Variants in NEK1 observed in about 807,000 individuals in gnomAD.
NEK1 encodes the protein serine/threonine-protein kinase Nek1.
A neutral mutation model predicts 182.1 loss-of-function variants in NEK1; 137 were observed. The observed-to-expected ratio is 0.75, with a 90% CI of 0.65 to 0.87. The LOEUF (loss-of-function observed/expected upper bound fraction) is 0.87. Ranked by LOEUF, NEK1 falls within the 40% of genes least tolerant of loss-of-function variation. The pLI, the probability that NEK1 is intolerant of heterozygous loss-of-function variation, is 0.00. For synonymous variants in NEK1, 513 were observed against 492.2 expected (o/e 1.04, Z -0.56); for missense variants, 1,391 against 1,494.4 (o/e 0.93, Z 1.14).
intron 4 of NEK1, among the ~76,000 whole-genome samples, chr4:169,600,605 A>G (rs1443072136): frequency 6.6e-6 from 1 of 152,184 alleles, no homozygotes; most frequent in East Asian, 1.9e-4. Context: ...ATAAGAATCT[A>G]TATGATAAAG....
chr4:169,508,301 G>A lies in NEK1; in HGVS notation c.1780C>T (p.Leu594=). The change falls in exon 21 of 36, where the codon CTA becomes TTA. Residue 594 remains leucine, a synonymous_variant. Transcript: ENST00000507142. The part of the protein sequence containing the change: ...VYLARLRQIR[L]QNFNERQQIK... ...TGTTGGCGCTCATTGAAATTCTGTA[G>A]TCTTATTTGCCTCAGTCTTGCCAGA... 1 of 1,589,842 alleles carries A rather than the reference G, an allele frequency of 6.3e-7. No individual in the cohort carries two copies. Among genetic ancestry groups the A allele is most frequent in the East Asian group, 2.3e-5 (1 of 44,052 alleles).
At chr4:169,448,585 A>G (rs1250657687) in intron 27 of NEK1, among the ~76,000 whole-genome samples, 2 of 152,258 alleles carry the variant, frequency 1.3e-5, no homozygotes, top group Non-Finnish European at 2.9e-5. Flanking sequence ...GGCAGAATTA[A>G]GTCTTTACTT....
chr4:169,545,282 CTA>C (rs1332502305), intron 18 of NEK1, among the ~76,000 whole-genome samples: 1 of 149,236 alleles, frequency 6.7e-6, no homozygotes, highest in African/African-American at 2.5e-5. Flanking sequence ...CAATTCCCAC[CTA>C]TGAGTGAGAA....
intron 28 of NEK1, 129 bp downstream of exon 28, chr4:169,437,954 A>C: frequency 1.4e-6 from 1 of 715,164 alleles, no homozygotes. Context: ...CTAAAAATAT[A>C]AAAATACTGA....
At chr4:169,604,268 T>C (rs1770972145) in intron 2 of NEK1, among the ~76,000 whole-genome samples, 1 of 152,216 alleles carries the variant, frequency 6.6e-6, no homozygotes, top group Non-Finnish European at 1.5e-5. Context: ...ATTAAGGTCA[T>C]TAGTATCTTT....
intron 10 of NEK1, among the ~76,000 whole-genome samples, chr4:169,584,453 A>C (rs898135146): frequency 1.3e-5 from 2 of 152,054 alleles, no homozygotes; most frequent in Admixed American, 1.3e-4. Context: ...CTCTACAAAA[A>C]ATACAAAAAT....
At chr4:169,399,209 C>T (rs1471222071) in intron 35 of NEK1, among the ~76,000 whole-genome samples, 1 of 152,010 alleles carries the variant, frequency 6.6e-6, no homozygotes, top group Non-Finnish European at 1.5e-5. Context: ...TGTGCCACTG[C>T]ACTCTAGCCT....
intron 31 of NEK1, among the ~76,000 whole-genome samples, chr4:169,406,965 C>A (rs1732752209): frequency 6.6e-6 from 1 of 151,822 alleles, no homozygotes; most frequent in Non-Finnish European, 1.5e-5. Flanking sequence ...AAAGCTAGAA[C>A]CTAATTCTCT....
intron 27 of NEK1, among the ~76,000 whole-genome samples, chr4:169,445,671 A>AAAGG (rs1191626076): frequency 2.0e-5 from 3 of 151,788 alleles, no homozygotes; most frequent in Non-Finnish European, 4.4e-5. Flanking sequence ...GAGGACTCCA[A>AAAGG]AAGGAAGGAA....
In NEK1 at chr4:169,599,083, C is replaced by T; in HGVS notation, c.312+17G>A. 1 of 1,600,278 alleles carries T rather than the reference C, an allele frequency of 6.2e-7. No homozygotes were observed. Among genetic ancestry groups the T allele is most frequent in the Non-Finnish European group, 8.6e-7 (1 of 1,169,228 alleles). ...TCAATAATAGAGTAAGAGTCAATTT[C>T]CTAAATGCAAACTTACCTGATCCTC... On this transcript the variant is annotated intron_variant, in intron 5 of 35. Coordinates refer to ENST00000507142, the MANE Select transcript of NEK1 (RefSeq NM_001199397.3).
At chr4:169,499,313 T>C (rs1437742112) in intron 23 of NEK1, among the ~76,000 whole-genome samples, 1 of 152,210 alleles carries the variant, frequency 6.6e-6, no homozygotes, top group East Asian at 1.9e-4. Flanking sequence ...TAATTTTTTT[T>C]TCAAGGTTTT....
chr4:169,493,645 A>G (rs1429797069), intron 23 of NEK1, among the ~76,000 whole-genome samples: 2 of 152,224 alleles, frequency 1.3e-5, no homozygotes, highest in African/African-American at 4.8e-5. Flanking sequence ...TTCAAAATAC[A>G]GTTGGAAGCC....
At chr4:169,473,822 C>T (rs966197457) in intron 26 of NEK1, among the ~76,000 whole-genome samples, 3 of 152,034 alleles carry the variant, frequency 2.0e-5, no homozygotes, top group East Asian at 1.9e-4. Flanking sequence ...AGCACACGTG[C>T]GTGTGGGTAT....
intron 18 of NEK1, among the ~76,000 whole-genome samples, chr4:169,547,404 C>A (rs933304047): frequency 1.3e-5 from 2 of 152,122 alleles, no homozygotes; most frequent in African/African-American, 4.8e-5. Context: ...TGGCTCTTAA[C>A]ATTTTTTCCT....
Position 169,587,591 on chromosome 4 carries a change from C to G in NEK1, c.574G>C (p.Val192Leu). The change falls in exon 9 of 36, where the codon GTC becomes CTC. Residue 192 changes from valine (V) to leucine (L), a missense_variant. Physicochemically the swap from Val to Leu is conservative, Grantham distance 32 (BLOSUM62 1). Coordinates refer to ENST00000507142, the MANE Select transcript of NEK1 (RefSeq NM_001199397.3). The part of the protein sequence containing the change: ...NKSDIWALGC[V>L]LYELCTLKHA... ...TTAAGTGTACACAGCTCATAAAGGA[C>G]ACACCCCAGAGCCCAAATGTCACTG... 6.4e-7 allele frequency: 1 copy of G among 1,550,664 alleles called. No individual in the cohort carries two copies. Among genetic ancestry groups the G allele is most frequent in the South Asian group, 1.2e-5 (1 of 81,818 alleles).
chr4:169,455,078 C>A (rs1251688993), intron 27 of NEK1, among the ~76,000 whole-genome samples: 1 of 152,110 alleles, frequency 6.6e-6, no homozygotes, highest in South Asian at 2.1e-4. Flanking sequence ...ATCACAAGGA[C>A]AGAAAACCAA....
At chr4:169,430,382 G>A (rs1206456695) in intron 29 of NEK1, among the ~76,000 whole-genome samples, 5 of 151,986 alleles carry the variant, frequency 3.3e-5, no homozygotes, top group African/African-American at 9.7e-5. Flanking sequence ...ACAGGGTTTC[G>A]CCATGTTGGC....
In NEK1 at chr4:169,465,186, G is replaced by C. The variant is rs80332862; in HGVS notation, c.2435-1791C>G. ...CTTAAAGGATGGTTAAAATAGAGTA[G>C]AGAACCCAGAAATAGACCCATAACT... On this transcript the variant is annotated intron_variant, in intron 26 of 35. Coordinates refer to ENST00000507142, the MANE Select transcript of NEK1 (RefSeq NM_001199397.3). 3.8e-3 allele frequency among the ~76,000 whole-genome samples: 577 copies of C among 152,170 alleles called. 2 individuals are homozygous for C. Among genetic ancestry groups the C allele is most frequent in the African/African-American group, 0.013 (557 of 41,532 alleles).
At chr4:169,582,249 T>C (rs753433021) in intron 10 of NEK1, among the ~76,000 whole-genome samples, 3 of 151,964 alleles carry the variant, frequency 2.0e-5, no homozygotes, top group Non-Finnish European at 4.4e-5. Flanking sequence ...AAAAAATACA[T>C]GATCTGAGGG....
Sources: allele counts gnomAD v4.1 joint callset (sites outside exome capture counted in the v4.1 genomes callset), GRCh38; gene constraint gnomAD v4.1.1; transcripts MANE v1.5; gene names NCBI Gene and HGNC (gene_info 2026-07-23, HGNC 2026-07-21).